The following SRC variants were observed in gnomAD, a reference collection of about 807,000 sequenced individuals.
SRC encodes the protein SRC proto-oncogene, non-receptor tyrosine kinase, also known as proto-oncogene tyrosine-protein kinase Src.
SRC carries 13 observed loss-of-function variants against 62.9 expected under a neutral mutation model. That is an observed-to-expected ratio of 0.21 (90% CI 0.13 to 0.33). The LOEUF is 0.33. SRC is among the 10% of genes least tolerant of loss of function. SRC has a pLI of 1.00. For missense variants in SRC, 457 were observed against 737.3 expected, an observed-to-expected ratio of 0.62 and a Z score of 4.40; for synonymous variants, 302 against 317.5, an observed-to-expected ratio of 0.95 and a Z score of 0.52.
intron 1 of SRC, among the ~76,000 whole-genome samples, chr20:37,363,851 C>T (rs1482888995): frequency 6.6e-6 from 1 of 152,174 alleles, no homozygotes; most frequent in Non-Finnish European, 1.5e-5. Context: ...GGATCTCAGG[C>T]ACGCCATTTA....
intron 5 of SRC, 119 bp from the exon 6 acceptor site, chr20:37,393,776 C>T: frequency 1.4e-6 from 1 of 712,092 alleles, no homozygotes; most frequent in South Asian, 1.8e-5. Flanking sequence ...GCCCCACCAC[C>T]TCCCTGGGCC....
intron 2 of SRC, among the ~76,000 whole-genome samples, chr20:37,378,039 A>C (rs2070302702): frequency 7.4e-6 from 1 of 135,654 alleles, no homozygotes; most frequent in African/African-American, 2.8e-5. Flanking sequence ...ATCCAATTCT[A>C]CTCTTTTAGT....
Position 37,384,412 on chromosome 20 carries a change from G to T in SRC, c.250+9G>T. On this transcript the variant is annotated intron_variant, in intron 4 of 13. Coordinates refer to ENST00000373578, the MANE Select transcript of SRC (RefSeq NM_198291.3). The surrounding 1 kb of genome is among the most constrained non-coding windows in gnomAD (Gnocchi z 6.7). The stretch of plus-strand genomic sequence containing the variant: ...GGCGGGCCCGCTGGCCGGTCAGTGC[G>T]CGGGCGGCGCGGGGTCCTCGCCCAC... 7.4e-7 allele frequency: 1 copy of T among 1,354,686 alleles called. No individual in the cohort carries two copies. Among genetic ancestry groups the T allele is most frequent in the South Asian group, 1.8e-5 (1 of 54,776 alleles). The allele number at this position is 1,354,686 out of a possible 1,614,324, so 83.9% of individuals were successfully genotyped here. A position where few individuals can be genotyped will look rare whatever the true frequency, so the allele number is the denominator to read the frequency against.
intron 7 of SRC, among the ~76,000 whole-genome samples, 178 bp downstream of exon 7, chr20:37,394,455 G>A (rs1439074980): frequency 1.3e-5 from 2 of 152,198 alleles, no homozygotes. Flanking sequence ...GTAATCCGCG[G>A]TGGCCAGATG....
intron 2 of SRC, among the ~76,000 whole-genome samples, chr20:37,376,532 T>C (rs6090573): frequency 0.26 from 39,287 of 152,088 alleles, 6,404 homozygotes; most frequent in African/African-American, 0.47. Flanking sequence ...AGATGGAGTT[T>C]TGCTCTTGTT....
At chr20:37,363,759 G>A (rs924867619) in intron 1 of SRC, among the ~76,000 whole-genome samples, 9 of 152,206 alleles carry the variant, frequency 5.9e-5, no homozygotes, top group African/African-American at 1.4e-4. Flanking sequence ...TTCCTTGGGC[G>A]GTTCCCAGGG....
At chr20:37,353,493 G>T (rs1326526241) in intron 1 of SRC, among the ~76,000 whole-genome samples, 1 of 152,100 alleles carries the variant, frequency 6.6e-6, no homozygotes, top group African/African-American at 2.4e-5. Flanking sequence ...GACCAGACAC[G>T]CCCGGGACCC....
chr20:37,403,253 C>T lies in SRC; in HGVS notation c.1485C>T (p.His495=), dbSNP rs979391675. The T allele has an allele frequency of 2.9e-5, 46 of 1,591,568 alleles. No individual in the cohort carries two copies. The highest frequency in any genetic ancestry group is 5.3e-5 in the Admixed American group (3 of 56,952). The change falls in exon 14 of 14, where the codon CAC becomes CAT. Residue 495 remains histidine, a synonymous_variant. Transcript: ENST00000373578. This position sits in a 1 kb window ranked among gnomAD's most constrained non-coding sequence, Gnocchi z 7.1. ...PCPPECPESL[H]DLMCQCWRKE... is the part of the protein sequence containing the mutation. ...CGCCGGAGTGTCCCGAGTCCCTGCA[C>T]GACCTCATGTGCCAGTGCTGGCGGA...
At chr20:37,385,472 G>A (rs546633433) in intron 4 of SRC, among the ~76,000 whole-genome samples, 2 of 152,268 alleles carry the variant, frequency 1.3e-5, no homozygotes, top group East Asian at 1.9e-4. Flanking sequence ...GTGTTAGAAG[G>A]GGCGCTGCTG....
chr20:37,345,752 C>T (rs1181340085), upstream of SRC, among the ~76,000 whole-genome samples: 2 of 152,160 alleles, frequency 1.3e-5, no homozygotes, highest in African/African-American at 2.4e-5. Flanking sequence ...GGGCGCTCCA[C>T]GCCCGCTGAT....
intron 1 of SRC, among the ~76,000 whole-genome samples, chr20:37,349,234 C>T (rs747354300): frequency 2.0e-5 from 3 of 152,058 alleles, no homozygotes; most frequent in East Asian, 1.9e-4. Context: ...TCAAGAGGAG[C>T]GGGTATTTGA....
chr20:37,389,700 C>T (rs1377211036), intron 5 of SRC, among the ~76,000 whole-genome samples: 1 of 152,220 alleles, frequency 6.6e-6, no homozygotes, highest in Non-Finnish European at 1.5e-5. Flanking sequence ...CTGCCGTGCC[C>T]CTGAGCCACA....
chr20:37,373,637 G>T (rs2070233221), intron 2 of SRC, among the ~76,000 whole-genome samples: 2 of 152,178 alleles, frequency 1.3e-5, no homozygotes, highest in Admixed American at 1.3e-4. Context: ...TTTATTGTTT[G>T]AGTATTTTGT....
At chr20:37,363,518 T>C (rs919577769) in intron 1 of SRC, among the ~76,000 whole-genome samples, 20 of 152,192 alleles carry the variant, frequency 1.3e-4, no homozygotes, top group African/African-American at 4.8e-4. Context: ...CTGTCTGCCT[T>C]CTGGCTGGGG....
rs2070785161 is a variant in SRC at position 37,404,027 on chromosome 20, C to T, written c.*648C>T. The stretch of plus-strand genomic sequence containing the variant: ...AGGGACCCTTCGAGATCATCACTTC[C>T]TTGCCCCCATTTCACCCATGGGGAG... On this transcript the variant is annotated 3_prime_UTR_variant, in exon 14 of 14. Transcript: ENST00000373578. 4.3e-6 allele frequency: 1 copy of T among 234,816 alleles called. No individual in the cohort carries two copies. The highest frequency in any genetic ancestry group is 2.2e-5 in the African/African-American group (1 of 45,364). 14.5% of individuals were successfully genotyped at this position (234,816 alleles called of 1,614,324 possible).
chr20:37,346,783 G>T (rs1294144859), intron 1 of SRC, among the ~76,000 whole-genome samples: 1 of 152,196 alleles, frequency 6.6e-6, no homozygotes, highest in Non-Finnish European at 1.5e-5. Context: ...TGGTGCTGCC[G>T]GCCTGGAAGG....
At position 37,351,729 on chromosome 20, in the gene SRC, C is replaced by T. The variant is rs2069804530; in HGVS notation, c.-247+5474C>T. Among the ~76,000 whole-genome samples the T allele has an allele frequency of 6.6e-6, 1 of 152,218 alleles. No homozygotes were observed. Among genetic ancestry groups the T allele is most frequent in the African/African-American group, 2.4e-5 (1 of 41,460 alleles). On this transcript the variant is annotated intron_variant, in intron 1 of 13. Transcript: ENST00000373578. This position sits in a 1 kb window ranked among gnomAD's most constrained non-coding sequence, Gnocchi z 4.4. ...AAGGTGACCCATTGTGTCCCTTGCT[C>T]CATCCTGGGAGCAGTCAAACTCTTA...
intron 2 of SRC, among the ~76,000 whole-genome samples, chr20:37,369,863 G>A (rs1438437450): frequency 6.6e-6 from 1 of 151,804 alleles, no homozygotes; most frequent in Non-Finnish European, 1.5e-5. Flanking sequence ...GCAGTGGTGC[G>A]ATCTTGGCTA....
At chr20:37,395,594 C>T (rs997023465) in intron 7 of SRC, among the ~76,000 whole-genome samples, 2 of 152,246 alleles carry the variant, frequency 1.3e-5, no homozygotes, top group Non-Finnish European at 2.9e-5. Flanking sequence ...GTCTCCTGCC[C>T]ACGACGGCCA....
Sources: gnomAD v4.1 joint callset for allele counts (sites outside exome capture counted in the v4.1 genomes callset) on GRCh38, gnomAD v4.1.1 for gene constraint, Gnocchi (gnomAD v3.1) non-coding constraint, MANE v1.5 for transcripts, NCBI Gene and HGNC (gene_info 2026-07-23, HGNC 2026-07-21) for gene names.